SNX29: variants seen among roughly 807,000 people sequenced by gnomAD.
The protein encoded by SNX29 is sorting nexin 29, also known as sorting nexin-29.
In SNX29, 78 loss-of-function variants were observed where a neutral mutation model predicts 102.1. That is an observed-to-expected ratio of 0.76 (90% CI 0.64 to 0.92). The LOEUF is 0.92. Among genes scored for constraint, SNX29 ranks in the 40% least tolerant of loss-of-function variants. SNX29 has a pLI of 0.00. For missense variants in SNX29, 1,280 were observed against 1,061.7 expected (o/e 1.21, Z -2.86); for synonymous variants, 580 against 414.5 (o/e 1.40, Z -4.85).
chr16:12,143,474 C>A (rs376960341), intron 13 of SNX29, among the ~76,000 whole-genome samples: 2 of 152,076 alleles, frequency 1.3e-5, no homozygotes, highest in Non-Finnish European at 2.9e-5. Context: ...AGGCGGTGCT[C>A]GTCCTTAGTG....
At chr16:12,047,946 C>T (rs928022490) in intron 6 of SNX29, among the ~76,000 whole-genome samples, 10 of 152,048 alleles carry the variant, frequency 6.6e-5, no homozygotes, top group South Asian at 4.1e-4. Context: ...TGTGAGCCAC[C>T]GTGCCCAGCC....
chr16:12,076,290 T>C (rs2051564551), intron 10 of SNX29, among the ~76,000 whole-genome samples: 1 of 149,758 alleles, frequency 6.7e-6, no homozygotes, highest in Non-Finnish European at 1.5e-5. Flanking sequence ...TATTCGGCCA[T>C]CTTGGCTCCT....
intron 13 of SNX29, among the ~76,000 whole-genome samples, chr16:12,180,652 T>C (rs948182456): frequency 6.6e-6 from 1 of 152,056 alleles, no homozygotes; most frequent in Non-Finnish European, 1.5e-5. Flanking sequence ...TCCGGCTAAT[T>C]TTTTAAATAT....
chr16:12,125,333 G>A (rs2175020), intron 11 of SNX29, among the ~76,000 whole-genome samples: 22,913 of 152,050 alleles, frequency 0.15, 1,960 homozygotes, highest in Middle Eastern at 0.24. Flanking sequence ...CTGACAGCTC[G>A]TCTTTCTATG....
intron 13 of SNX29, among the ~76,000 whole-genome samples, chr16:12,167,299 C>T (rs989546334): frequency 3.9e-5 from 6 of 152,130 alleles, no homozygotes; most frequent in African/African-American, 7.2e-5. Flanking sequence ...TGAGCTCTGC[C>T]GCCGATGCAG....
At chr16:12,369,722 G>A (rs1402108862) in intron 16 of SNX29, among the ~76,000 whole-genome samples, 2 of 152,108 alleles carry the variant, frequency 1.3e-5, no homozygotes, top group African/African-American at 2.4e-5. Flanking sequence ...AACACACACA[G>A]TATTTCCAGG....
chr16:12,543,343 C>T lies in SNX29; in HGVS notation c.2318+18502C>T, dbSNP rs547059064. On this transcript the variant is annotated intron_variant, in intron 20 of 20. Transcript: ENST00000566228. ...ATTAGCCAAATCTGGGGCAGAGGAG[C>T]AGGGTGTTCAGCCCACCTAAGCTCA... Among the ~76,000 whole-genome samples, 287 of 152,248 alleles carry T rather than the reference C, an allele frequency of 1.9e-3. 1 individual carries two copies. Among genetic ancestry groups the T allele is most frequent in the Middle Eastern group, 6.8e-3 (2 of 294 alleles).
At chr16:12,217,467 C>G (rs1378570508) in intron 14 of SNX29, among the ~76,000 whole-genome samples, 1 of 152,168 alleles carries the variant, frequency 6.6e-6, no homozygotes, top group Non-Finnish European at 1.5e-5. Flanking sequence ...CTACTCAATA[C>G]TTTGAAACCT....
chr16:12,568,607 A>G lies in SNX29; in HGVS notation c.2420A>G (p.Glu807Gly), dbSNP rs1311733061. 1.2e-6 allele frequency: 2 copies of G among 1,604,740 alleles called. No homozygotes were observed. Among genetic ancestry groups the G allele is most frequent in the South Asian group, 2.2e-5 (2 of 91,070 alleles). Reference sequence around the variant, plus strand: ...CAGCCCCGGGAGACCCGCAACGTGGAGCCCCAGAGCGGTGACCTCTGACCT... The same window carrying G: ...CAGCCCCGGGAGACCCGCAACGTGGGGCCCCAGAGCGGTGACCTCTGACCT... ...RGQPRETRNV[E>G]PQSGDL is the part of the protein sequence containing the mutation. Residue 807 changes from glutamate (E) to glycine (G), a missense_variant, in exon 21 of 21, where the codon GAG (glutamate) becomes GGG (glycine). Physicochemically the swap from Glu to Gly is moderately conservative, Grantham distance 98 (BLOSUM62 -2). Transcript: ENST00000566228.
At chr16:12,277,450 T>C (rs1213365443) in intron 14 of SNX29, among the ~76,000 whole-genome samples, 4 of 152,212 alleles carry the variant, frequency 2.6e-5, no homozygotes, top group African/African-American at 9.6e-5. Flanking sequence ...CCAGCTCTTA[T>C]GTCTTGCCAA....
chr16:12,043,751 G>GT (rs2049979716), intron 5 of SNX29, among the ~76,000 whole-genome samples: 2 of 151,054 alleles, frequency 1.3e-5, no homozygotes, highest in African/African-American at 2.4e-5. Context: ...TTTTTTTGTT[G>GT]TTGTTTGTTT....
chr16:12,496,280 T>G (rs7203242), intron 19 of SNX29, among the ~76,000 whole-genome samples: 40,116 of 152,108 alleles, frequency 0.26, 5,573 homozygotes, highest in South Asian at 0.49. Flanking sequence ...TCCACCCAAG[T>G]CAGGGGTTGT....
chr16:12,526,486 C>T (rs1314253332), intron 20 of SNX29: 7 of 488,154 alleles, frequency 1.4e-5, no homozygotes, highest in South Asian at 7.9e-5. Flanking sequence ...GCCTTTTTGT[C>T]CTGAATAGAA....
In SNX29 at chr16:12,553,167, T is replaced by G. The variant is rs562036168; in HGVS notation, c.2319-15339T>G. On this transcript the variant is annotated intron_variant, in intron 20 of 20. Transcript: ENST00000566228. ...GCTCTGGGGTCCTTCCTGGGATTTT[T>G]GGATCTTTAAGTCAGTATACAGCTG... Among the ~76,000 whole-genome samples the G allele has an allele frequency of 5.0e-4, 76 of 152,338 alleles. 1 individual carries two copies. The highest frequency in any genetic ancestry group is 1.7e-3 in the African/African-American group (71 of 41,582).
chr16:12,150,435 C>A (rs545970578), intron 13 of SNX29, among the ~76,000 whole-genome samples: 1 of 152,292 alleles, frequency 6.6e-6, no homozygotes, highest in South Asian at 2.1e-4. Flanking sequence ...GAATTATTTG[C>A]CTAGCTCCTC....
chr16:12,117,698 T>C (rs2053792008), intron 11 of SNX29, among the ~76,000 whole-genome samples: 1 of 152,240 alleles, frequency 6.6e-6, no homozygotes, highest in Non-Finnish European at 1.5e-5. Context: ...ATAGTAGTGA[T>C]GGTTGCACAA....
chr16:12,205,197 G>A (rs562137277), intron 14 of SNX29, among the ~76,000 whole-genome samples: 10 of 152,236 alleles, frequency 6.6e-5, no homozygotes, highest in African/African-American at 2.4e-4. Context: ...ACCATTGCAG[G>A]CTTCTGAACC....
chr16:12,525,490 T>C (rs557007122), intron 20 of SNX29, among the ~76,000 whole-genome samples: 2 of 151,922 alleles, frequency 1.3e-5, no homozygotes. Context: ...ATGGCCAACA[T>C]GTTGAAATCC....
At chr16:12,505,940 A>G (rs757939746) in intron 19 of SNX29, among the ~76,000 whole-genome samples, 44 of 152,044 alleles carry the variant, frequency 2.9e-4, no homozygotes, top group African/African-American at 9.6e-4. Context: ...TAGTTTTTCT[A>G]TAGAGTACAG....
Sources: gnomAD v4.1 joint callset for allele counts (sites outside exome capture counted in the v4.1 genomes callset) on GRCh38, gnomAD v4.1.1 for gene constraint, MANE v1.5 for transcripts, NCBI Gene and HGNC (gene_info 2026-07-23, HGNC 2026-07-21) for gene names.